The following RBM45 variants were observed in gnomAD, a reference collection of about 807,000 sequenced individuals.
RBM45 encodes RNA-binding protein 45.
RBM45 carries 39 observed loss-of-function variants against 58.5 expected under a neutral mutation model. The observed-to-expected ratio is 0.67, with a 90% confidence interval of 0.52 to 0.87. The LOEUF is 0.87. Among genes scored for constraint, RBM45 ranks in the 40% least tolerant of loss-of-function variants. RBM45 has a pLI of 0.00. For missense variants in RBM45, 481 were observed against 581.6 expected, an observed-to-expected ratio of 0.83 and a Z score of 1.78; for synonymous variants, 193 against 203.0, an observed-to-expected ratio of 0.95 and a Z score of 0.42.
At chr2:178,135,561 A>G (rs141306672) in intron 3 of RBM45, among the ~76,000 whole-genome samples, 2 of 152,214 alleles carry the variant, frequency 1.3e-5, no homozygotes, top group African/African-American at 4.8e-5. Context: ...ACAAAAAGAA[A>G]TCAGAAGTAA....
chr2:178,120,836 G>T (rs537086331), intron 4 of RBM45, among the ~76,000 whole-genome samples: 13 of 152,218 alleles, frequency 8.5e-5, no homozygotes, highest in African/African-American at 3.1e-4. Flanking sequence ...AGCTCTAATA[G>T]AAAAAGGGGA....
chr2:178,126,947 T>C (rs893356993), intron 9 of RBM45, among the ~76,000 whole-genome samples: 1 of 152,096 alleles, frequency 6.6e-6, no homozygotes. Flanking sequence ...GTTTGACTTT[T>C]TTTTTCCCCC....
At chr2:178,123,401 G>A in intron 5 of RBM45, 121 bp from the exon 6 acceptor site, 1 of 964,500 alleles carries the variant, frequency 1.0e-6, no homozygotes, top group Non-Finnish European at 1.5e-6. Flanking sequence ...ATTCGATTCT[G>A]TATTTACTAG....
chr2:178,126,727 A>G (rs1192992349), intron 9 of RBM45, among the ~76,000 whole-genome samples: 1 of 152,222 alleles, frequency 6.6e-6, no homozygotes, highest in East Asian at 1.9e-4. Flanking sequence ...CATTAAAACA[A>G]TACATTCAGA....
intron 4 of RBM45, 136 bp downstream of exon 4, chr2:178,120,545 C>A: frequency 2.8e-6 from 2 of 723,994 alleles, no homozygotes; most frequent in South Asian, 2.7e-5. Context: ...TTTTTTTATT[C>A]CTAAAATGTG....
chr2:178,112,504 AG>A lies in RBM45; in HGVS notation c.-42del. On this transcript the variant is annotated 5_prime_UTR_variant, in exon 1 of 10. Coordinates refer to ENST00000286070, the MANE Select transcript of RBM45 (RefSeq NM_152945.4). ...AGACAGCAGCGGTGGCAGACACCGCAGAAGCAAAGAGCAGTGAGGCTCCTGC... is the reference window on the plus strand; with the variant it reads ...AGACAGCAGCGGTGGCAGACACCGCAAAGCAAAGAGCAGTGAGGCTCCTGC... 1 of 1,555,636 alleles carries A rather than the reference AG, an allele frequency of 6.4e-7. No homozygotes were observed. The highest frequency in any genetic ancestry group is 8.8e-7 in the Non-Finnish European group (1 of 1,138,068).
Position 178,121,934 on chromosome 2 carries a change from AC to A in RBM45, c.853+578del, listed in dbSNP as rs533320642. Among the ~76,000 whole-genome samples the A allele has an allele frequency of 1.9e-3, 284 of 152,234 alleles. 1 individual carries two copies. The highest frequency in any genetic ancestry group is 6.5e-3 in the African/African-American group (272 of 41,528). On this transcript the variant is annotated intron_variant, in intron 5 of 9. Transcript: ENST00000286070. ...TAAACCCATTATCTAACATTAGCTAACCCATCTTTGTGTTTTAAGCTTTTGA... is the reference window on the plus strand; with the variant it reads ...TAAACCCATTATCTAACATTAGCTAACCATCTTTGTGTTTTAAGCTTTTGA...
intron 8 of RBM45, 93 bp from the exon 9 acceptor site, chr2:178,125,891 G>A: frequency 1.1e-6 from 1 of 889,326 alleles, no homozygotes. Context: ...TGGGGAGAAG[G>A]GTGAAAATGG....
At chr2:178,128,748 T>C (rs924562569) in intron 9 of RBM45, among the ~76,000 whole-genome samples, 1 of 152,248 alleles carries the variant, frequency 6.6e-6, no homozygotes, top group Non-Finnish European at 1.5e-5. Context: ...TTGAATTTCT[T>C]CTAATTGCAG....
chr2:178,116,833 C>T (rs2087783437), intron 2 of RBM45, among the ~76,000 whole-genome samples: 1 of 151,914 alleles, frequency 6.6e-6, no homozygotes, highest in Non-Finnish European at 1.5e-5. Context: ...AGTGTGTGAA[C>T]TGTATTATCT....
chr2:178,126,074 C>A lies in RBM45; in HGVS notation c.1323C>A (p.Ala441=). ...CCGATAGAATAAGTGCTAATGATGC[C>A]ATTGCCACTCTACATGGAAAGATTC... ...KYADRISAND[A]IATLHGKILN... Residue 441 remains alanine (A), a synonymous_variant, in exon 9 of 10, where the codon GCC becomes GCA. Transcript: ENST00000286070. The A allele has an allele frequency of 6.2e-7, 1 of 1,613,392 alleles. No individual in the cohort carries two copies. The highest frequency in any genetic ancestry group is 1.1e-5 in the South Asian group (1 of 91,056).
chr2:178,133,698 C>G (rs1338426494), downstream of RBM45, among the ~76,000 whole-genome samples: 2 of 152,142 alleles, frequency 1.3e-5, no homozygotes, highest in Admixed American at 6.5e-5. Context: ...CACACACAGG[C>G]TTTGTTCCAT....
chr2:178,114,611 C>G (rs2087748590), intron 1 of RBM45, among the ~76,000 whole-genome samples: 1 of 151,974 alleles, frequency 6.6e-6, no homozygotes. Context: ...TTTTTTGAGA[C>G]AGAATCTCAC....
intron 2 of RBM45, 133 bp downstream of exon 2, chr2:178,116,517 A>G (rs2105899536): frequency 1.6e-6 from 1 of 625,718 alleles, no homozygotes; most frequent in Non-Finnish European, 2.5e-6. Context: ...GCTTTCATCA[A>G]TTTCAATCTA....
Position 178,116,259 on chromosome 2 carries a change from TAGGTTTTC to T in RBM45, c.301-1_307del. Reference sequence around the variant, plus strand: ...TATTTTGGGAGTTTTGTTTGTTTCTTAGGTTTTCATTGCTCAGTCCCGATCATCTGGAA... The same window carrying T: ...TATTTTGGGAGTTTTGTTTGTTTCTTATTGCTCAGTCCCGATCATCTGGAA... On this transcript the variant is annotated splice_acceptor_variant and coding_sequence_variant, in exon 2 of 10. Transcript: ENST00000286070. LOFTEE classifies it high-confidence loss of function. 2 of 1,562,758 alleles carry T rather than the reference TAGGTTTTC, an allele frequency of 1.3e-6. No individual in the cohort carries two copies. Among genetic ancestry groups the T allele is most frequent in the Non-Finnish European group, 8.6e-7 (1 of 1,162,324 alleles).
At chr2:178,116,768 G>A (rs963924997) in intron 2 of RBM45, among the ~76,000 whole-genome samples, 6 of 151,894 alleles carry the variant, frequency 4.0e-5, no homozygotes, top group Admixed American at 2.6e-4. Flanking sequence ...TTCAAAGCAC[G>A]CTTTTATCAC....
rs537151872 is a variant in RBM45 at position 178,129,055 on chromosome 2, C to G, written c.*9-342C>G. Among the ~76,000 whole-genome samples, 30 of 152,218 alleles carry G rather than the reference C, an allele frequency of 2.0e-4. 1 individual carries two copies. The South Asian group carries it at 6.0e-3, about 31-fold the overall frequency. ...GTGAGTCATGCCTAGGAAATAGAAGCAACTGATCCAAGGATATAACATTGA... is the reference window on the plus strand; with the variant it reads ...GTGAGTCATGCCTAGGAAATAGAAGGAACTGATCCAAGGATATAACATTGA... On this transcript the variant is annotated intron_variant, in intron 9 of 9. Coordinates refer to ENST00000286070, the MANE Select transcript of RBM45 (RefSeq NM_152945.4).
chr2:178,124,593 C>T (rs1009422745), intron 8 of RBM45, among the ~76,000 whole-genome samples: 2 of 152,134 alleles, frequency 1.3e-5, no homozygotes, highest in African/African-American at 2.4e-5. Flanking sequence ...GTCAGGGGAT[C>T]GCTTGAGCTC....
intron 8 of RBM45, 76 bp downstream of exon 8, chr2:178,124,366 T>C (rs1190961350): frequency 1.1e-6 from 1 of 929,870 alleles, no homozygotes; most frequent in Non-Finnish European, 1.6e-6. Context: ...GACACTTCCT[T>C]CACCCAGTAC....
Sources: allele counts gnomAD v4.1 joint callset (sites outside exome capture counted in the v4.1 genomes callset), GRCh38; gene constraint gnomAD v4.1.1; transcripts MANE v1.5; gene names NCBI Gene and HGNC (gene_info 2026-07-23, HGNC 2026-07-21).